TMEM35A: variants seen among roughly 807,000 people sequenced by gnomAD.
TMEM35A encodes transmembrane protein 35A.
For missense variants in TMEM35A, 83 were observed against 132.7 expected, an observed-to-expected ratio of 0.63 and a Z score of 1.84; for synonymous variants, 50 against 54.7, an observed-to-expected ratio of 0.91 and a Z score of 0.38.
intron 1 of TMEM35A, among the ~76,000 whole-genome samples, chrX:101,088,986 G>A (rs1205599272): frequency 9.0e-6 from 1 of 110,755 alleles, no homozygotes; most frequent in Non-Finnish European, 1.9e-5. Flanking sequence ...TGCAAAGGGA[G>A]AAGGATAAGG....
At chrX:101,090,603 A>G (rs1340797073) in intron 1 of TMEM35A, among the ~76,000 whole-genome samples, 1 of 110,545 alleles carries the variant, frequency 9.0e-6, no homozygotes, top group Non-Finnish European at 1.9e-5. Context: ...AGTCATCTAC[A>G]CTTGGATGCC....
intron 1 of TMEM35A, among the ~76,000 whole-genome samples, chrX:101,086,013 A>T (rs1487524720): frequency 1.8e-5 from 2 of 112,392 alleles, no homozygotes; most frequent in Non-Finnish European, 3.8e-5. Context: ...CTCATGTCTG[A>T]ATCATAATGT....
Position 101,078,897 on chromosome X carries a change from T to C in TMEM35A, c.-106T>C. On this transcript the variant is annotated 5_prime_UTR_variant, in exon 1 of 2. Coordinates refer to ENST00000372930, the MANE Select transcript of TMEM35A (RefSeq NM_021637.3). ...TCCCTTTGTCATTCTAGCTGCCTGC[T>C]GCCTCCGCAGCGTCCCCCCAGCTCT... 9.4e-7 allele frequency: 1 copy of C among 1,063,670 alleles called. No individual in the cohort carries two copies. The highest frequency in any genetic ancestry group is 1.3e-6 in the Non-Finnish European group (1 of 780,227). The allele number at this position is 1,063,670 out of a possible 1,213,427, so 87.7% of individuals were successfully genotyped here.
chrX:101,092,194 G>T (rs1340531909), intron 1 of TMEM35A, among the ~76,000 whole-genome samples: 1 of 106,176 alleles, frequency 9.4e-6, no homozygotes, highest in Non-Finnish European at 1.9e-5. Context: ...CTCCTGGAAA[G>T]CAAAAAAAAA....
At position 101,094,996 on chromosome X, in the gene TMEM35A, C is replaced by T. The variant is rs764364074; in HGVS notation, c.*40C>T. On this transcript the variant is annotated 3_prime_UTR_variant, in exon 2 of 2. Transcript: ENST00000372930. ...AAAGAGTGGACCTTCCAGGCAGTTGCGTCCATGACACCAGGAAGATGTCAG... is the reference window on the plus strand; with the variant it reads ...AAAGAGTGGACCTTCCAGGCAGTTGTGTCCATGACACCAGGAAGATGTCAG... 3 of 1,115,400 alleles carry T rather than the reference C, an allele frequency of 2.7e-6. No homozygotes were observed. The South Asian group carries it at 6.4e-5, about 24-fold the overall frequency. 91.9% of individuals were successfully genotyped at this position (1,115,400 alleles called of 1,213,427 possible). A position where few individuals can be genotyped will look rare whatever the true frequency, so the allele number is the denominator to read the frequency against.
At chrX:101,088,821 C>A (rs2089314894) in intron 1 of TMEM35A, among the ~76,000 whole-genome samples, 1 of 110,475 alleles carries the variant, frequency 9.1e-6, no homozygotes, top group African/African-American at 3.3e-5. Context: ...AGGAGAATCG[C>A]TTGAGCTAGG....
rs1276788603 is a variant in TMEM35A at position 101,094,814 on chromosome X, T to C, written c.362T>C (p.Phe121Ser). ...AAACGCTACGCCCATGCTCTGGTGTTTGGAATCCTGCTCACTTGCCGCCTG... is the reference window on the plus strand; with the variant it reads ...AAACGCTACGCCCATGCTCTGGTGTCTGGAATCCTGCTCACTTGCCGCCTG... ...PLKRYAHALVFGILLTCRLLI... is the reference protein window; with the variant it reads ...PLKRYAHALVSGILLTCRLLI... The change falls in exon 2 of 2, where the codon TTT becomes TCT. Residue 121 changes from phenylalanine (F) to serine (S), a missense_variant. Coordinates refer to ENST00000372930, the MANE Select transcript of TMEM35A (RefSeq NM_021637.3). 8.3e-7 allele frequency: 1 copy of C among 1,211,103 alleles called. No individual in the cohort carries two copies. Among genetic ancestry groups the C allele is most frequent in the East Asian group, 3.0e-5 (1 of 33,789 alleles).
At chrX:101,090,743 C>CTA (rs2148111053) in intron 1 of TMEM35A, among the ~76,000 whole-genome samples, 1 of 111,200 alleles carries the variant, frequency 9.0e-6, no homozygotes, top group East Asian at 2.8e-4. Context: ...ACCTATCTAT[C>CTA]TCTCCAGCAC....
intron 1 of TMEM35A, among the ~76,000 whole-genome samples, chrX:101,083,709 C>T (rs73551032): frequency 0.021 from 2,358 of 111,379 alleles, 72 homozygotes; most frequent in African/African-American, 0.074. Context: ...GAGAGGAAAC[C>T]GAGACCCTGA....
chrX:101,088,747 A>G (rs763020765), intron 1 of TMEM35A, among the ~76,000 whole-genome samples: 3 of 110,343 alleles, frequency 2.7e-5, no homozygotes, highest in Non-Finnish European at 5.7e-5. Context: ...CTCTACTAAA[A>G]ATACAAAAAT....
chrX:101,090,313 C>T (rs374089809), intron 1 of TMEM35A, among the ~76,000 whole-genome samples: 29 of 105,458 alleles, frequency 2.7e-4, no homozygotes, highest in Non-Finnish European at 4.6e-4. Flanking sequence ...CCACCACGCC[C>T]GGCTAATTTT....
At chrX:101,085,710 C>T (rs1256369790) in intron 1 of TMEM35A, among the ~76,000 whole-genome samples, 4 of 110,540 alleles carry the variant, frequency 3.6e-5, no homozygotes, top group Non-Finnish European at 7.6e-5. Context: ...GGGCGGATCA[C>T]GAGGTCAAGA....
chrX:101,090,173 T>C (rs1018919417), intron 1 of TMEM35A, among the ~76,000 whole-genome samples: 10 of 103,334 alleles, frequency 9.7e-5, no homozygotes, highest in African/African-American at 2.1e-4. Context: ...TTCTTTCTTT[T>C]TTTTTTTGAG....
intron 1 of TMEM35A, among the ~76,000 whole-genome samples, chrX:101,085,333 G>A (rs1569495644): frequency 8.9e-6 from 1 of 112,330 alleles, no homozygotes; most frequent in Non-Finnish European, 1.9e-5. Context: ...GGGCGCGGTC[G>A]CTCACGCCTG....
At chrX:101,091,465 G>A (rs112955954) in intron 1 of TMEM35A, among the ~76,000 whole-genome samples, 7,387 of 110,281 alleles carry the variant, frequency 0.067, 642 homozygotes, top group African/African-American at 0.23. Context: ...GCCACGCCCA[G>A]CTAATTTTTT....
intron 1 of TMEM35A, among the ~76,000 whole-genome samples, chrX:101,087,560 T>C (rs1364429623): frequency 8.9e-6 from 1 of 112,135 alleles, no homozygotes; most frequent in Non-Finnish European, 1.9e-5. Flanking sequence ...GCCGTTCTAC[T>C]AAATGGAGAG....
At chrX:101,080,156 G>A (rs1602741534) in intron 1 of TMEM35A, among the ~76,000 whole-genome samples, 1 of 111,428 alleles carries the variant, frequency 9.0e-6, no homozygotes. Context: ...GGCTCTCAAG[G>A]TCAAGAGAGA....
intron 1 of TMEM35A, among the ~76,000 whole-genome samples, chrX:101,080,744 C>T (rs911916178): frequency 1.0e-4 from 11 of 110,459 alleles, no homozygotes; most frequent in Non-Finnish European, 2.1e-4. Context: ...TCTTGCTTTA[C>T]TTTTCATATG....
At chrX:101,090,415 G>A (rs915458689) in intron 1 of TMEM35A, among the ~76,000 whole-genome samples, 124 of 105,090 alleles carry the variant, frequency 1.2e-3, no homozygotes, top group African/African-American at 4.2e-3. Context: ...TGATCTGCCC[G>A]CCTCGGCCTC....
Sources: allele counts gnomAD v4.1 joint callset (sites outside exome capture counted in the v4.1 genomes callset), GRCh38; gene constraint gnomAD v4.1.1; transcripts MANE v1.5; gene names NCBI Gene and HGNC (gene_info 2026-07-23, HGNC 2026-07-21).